Variants in EBF1 observed in about 807,000 individuals in gnomAD.
EBF1 encodes the protein transcription factor COE1.
EBF1 carries 10 observed loss-of-function variants against 68.4 expected under a neutral mutation model. The ratio of observed to expected loss-of-function variants is 0.15; its 90% CI spans 0.09 to 0.25. EBF1 has a LOEUF of 0.25. Among genes scored for constraint, EBF1 ranks in the 10% least tolerant of loss-of-function variants. The pLI is 1.00. For missense variants in EBF1, 509 were observed against 794.4 expected (o/e 0.64, Z 4.32); for synonymous variants, 298 against 299.8 (o/e 0.99, Z 0.06).
At chr5:158,983,411 C>T (rs1021656186) in intron 6 of EBF1, 2 of 152,104 alleles carry the variant, frequency 1.3e-5, no homozygotes, top group Non-Finnish European at 2.9e-5. Context: ...TGCATCCACT[C>T]GTGGAGGCAG....
At chr5:158,917,537 A>G (rs1480712839) in intron 6 of EBF1, among the ~76,000 whole-genome samples, 4 of 152,208 alleles carry the variant, frequency 2.6e-5, no homozygotes, top group African/African-American at 7.2e-5. Flanking sequence ...TTTTAGGTAT[A>G]CACACTTGTT....
At position 158,731,109 on chromosome 5, in the gene EBF1, A is replaced by T; in HGVS notation, c.1085T>A (p.Val362Asp). 6.2e-7 allele frequency: 1 copy of T among 1,614,110 alleles called. No individual in the cohort carries two copies. Among genetic ancestry groups the T allele is most frequent in the Non-Finnish European group, 8.5e-7 (1 of 1,179,992 alleles). The change falls in exon 11 of 16, where the codon GTC becomes GAC. Residue 362 changes from valine to aspartate, a missense_variant. Coordinates refer to ENST00000313708, the MANE Select transcript of EBF1 (RefSeq NM_024007.5). ...IDYGFQRLQK[V>D]IPRHPGDPER... Reference sequence around the variant, plus strand: ...AGGGTCACCAGGGTGCCGAGGAATGACCTTCTGTAACCTCTGGAAACCATA... The same window carrying T: ...AGGGTCACCAGGGTGCCGAGGAATGTCCTTCTGTAACCTCTGGAAACCATA...
At chr5:158,933,529 C>T (rs1811342965) in intron 6 of EBF1, among the ~76,000 whole-genome samples, 2 of 152,154 alleles carry the variant, frequency 1.3e-5, no homozygotes, top group South Asian at 4.1e-4. Flanking sequence ...AAATAAAATT[C>T]AACTACTCAT....
intron 13 of EBF1, 77 bp from the exon 14 acceptor site, chr5:158,712,410 G>T: frequency 1.3e-6 from 2 of 1,538,392 alleles, no homozygotes; most frequent in Non-Finnish European, 1.8e-6. Context: ...GGGAAAGGAA[G>T]GTCTCTGTTT....
intron 4 of EBF1, 93 bp from the exon 5 acceptor site, chr5:159,084,832 A>C: frequency 1.9e-6 from 2 of 1,073,962 alleles, no homozygotes; most frequent in Non-Finnish European, 2.6e-6. Context: ...CTTCACCACT[A>C]CTGAAGGCCA....
rs551220736 is a variant in EBF1 at position 158,884,103 on chromosome 5, C to T, written c.555-43993G>A. Among the ~76,000 whole-genome samples the T allele has an allele frequency of 3.3e-5, 5 of 152,320 alleles. No homozygotes were observed. In the South Asian group the frequency reaches 8.3e-4, roughly 25 times the overall value. On this transcript the variant is annotated intron_variant, in intron 6 of 15. Transcript: ENST00000313708. ...GTTTCTGGCACAATACTATTATTTG[C>T]TAACATTTTTCTATCCTGACAGCTT...
At chr5:158,980,064 A>C (rs570813711) in intron 6 of EBF1, among the ~76,000 whole-genome samples, 1 of 152,334 alleles carries the variant, frequency 6.6e-6, no homozygotes, top group East Asian at 1.9e-4. Context: ...AATTGAGTAG[A>C]GATGTTCAGC....
intron 6 of EBF1, among the ~76,000 whole-genome samples, chr5:158,950,687 G>T (rs138967195): frequency 6.6e-6 from 1 of 152,190 alleles, no homozygotes; most frequent in Non-Finnish European, 1.5e-5. Flanking sequence ...AAAGGAAAAG[G>T]CTATAAATGA....
intron 6 of EBF1, among the ~76,000 whole-genome samples, chr5:159,012,209 C>A (rs1051735424): frequency 1.3e-5 from 2 of 151,980 alleles, no homozygotes; most frequent in Non-Finnish European, 2.9e-5. Context: ...ATGGCTTGAA[C>A]CCAGGAGGCG....
chr5:158,776,496 T>G (rs116590672), intron 10 of EBF1, among the ~76,000 whole-genome samples: 1 of 152,118 alleles, frequency 6.6e-6, no homozygotes, highest in South Asian at 2.1e-4. Context: ...TGTTATCTCT[T>G]TGTGTGAAAG....
intron 11 of EBF1, among the ~76,000 whole-genome samples, chr5:158,719,581 C>T (rs565164312): frequency 7.9e-5 from 12 of 152,160 alleles, no homozygotes; most frequent in Non-Finnish European, 1.8e-4. Context: ...CACATCTAGC[C>T]TCCTAGAGTG....
At chr5:158,878,658 T>TC (rs397778170) in intron 6 of EBF1, among the ~76,000 whole-genome samples, 11 of 151,110 alleles carry the variant, frequency 7.3e-5, no homozygotes, top group Admixed American at 1.3e-4. Flanking sequence ...TTTTTTTTTT[T>TC]CCTGAGACAG....
intron 12 of EBF1, among the ~76,000 whole-genome samples, 186 bp from the exon 13 acceptor site, chr5:158,713,333 T>A (rs1225035706): frequency 6.6e-6 from 1 of 152,202 alleles, no homozygotes; most frequent in Non-Finnish European, 1.5e-5. Context: ...ATGGGGAAAC[T>A]GAGGCTCAGA....
intron 5 of EBF1, among the ~76,000 whole-genome samples, chr5:159,077,825 C>T (rs968903012): frequency 1.4e-5 from 2 of 144,506 alleles, no homozygotes; most frequent in Admixed American, 1.4e-4. Flanking sequence ...GCTGCCTCGA[C>T]CTCCTGGGGC....
chr5:158,990,975 A>C (rs1477039539), intron 6 of EBF1, among the ~76,000 whole-genome samples: 3 of 152,184 alleles, frequency 2.0e-5, no homozygotes, highest in Non-Finnish European at 4.4e-5. Context: ...GGATCCCAAC[A>C]CTGAGCTTTA....
chr5:158,827,027 G>A (rs1233234606), intron 7 of EBF1, among the ~76,000 whole-genome samples: 2 of 152,104 alleles, frequency 1.3e-5, no homozygotes, highest in Non-Finnish European at 2.9e-5. Flanking sequence ...GACTCTCAAT[G>A]GGAATAACCA....
Position 159,099,543 on chromosome 5 carries a change from G to T in EBF1, c.-65C>A, listed in dbSNP as rs1181381063. On this transcript the variant is annotated 5_prime_UTR_variant, in exon 1 of 16. Transcript: ENST00000313708. ...AAAAAAATTAAAAAAAAAAAAAAAG[G>T]AAAGAAAAGAAAGAAAAGAAAAGAA... 1.6e-6 allele frequency: 2 copies of T among 1,240,436 alleles called. No individual in the cohort carries two copies. The highest frequency in any genetic ancestry group is 3.1e-5 in the East Asian group (1 of 32,756). 76.8% of individuals were successfully genotyped at this position (1,240,436 alleles called of 1,614,324 possible).
At chr5:159,052,946 T>C (rs1015443986) in intron 6 of EBF1, among the ~76,000 whole-genome samples, 2 of 152,202 alleles carry the variant, frequency 1.3e-5, no homozygotes, top group Non-Finnish European at 2.9e-5. Flanking sequence ...CTTTCTTCCA[T>C]CTTTAAAAAG....
At chr5:158,885,457 G>A (rs565087315) in intron 6 of EBF1, among the ~76,000 whole-genome samples, 22 of 152,284 alleles carry the variant, frequency 1.4e-4, no homozygotes, top group African/African-American at 5.3e-4. Context: ...CCTTGCTTTG[G>A]GCTGATGGAG....
Sources: gnomAD v4.1 joint callset for allele counts (sites outside exome capture counted in the v4.1 genomes callset) on GRCh38, gnomAD v4.1.1 for gene constraint, MANE v1.5 for transcripts, NCBI Gene and HGNC (gene_info 2026-07-23, HGNC 2026-07-21) for gene names.